Variants in JARID2 observed in about 807,000 individuals in gnomAD.
The protein encoded by JARID2 is protein Jumonji.
JARID2 carries 21 observed loss-of-function variants against 125.6 expected under a neutral mutation model. That is an observed-to-expected ratio of 0.17 (90% CI 0.12 to 0.24). The LOEUF (loss-of-function observed/expected upper bound fraction) is 0.24. JARID2 is among the 10% of genes least tolerant of loss of function. The probability of loss-of-function intolerance (pLI) is 1.00; values close to 1 mark genes in which losing one functional copy is unlikely to be tolerated. For missense variants in JARID2, 1,303 were observed against 1,639.6 expected (o/e 0.79, Z 3.55); for synonymous variants, 736 against 661.6 (o/e 1.11, Z -1.73).
chr6:15,446,949 G>C (rs1767696582), intron 3 of JARID2, among the ~76,000 whole-genome samples: 1 of 152,042 alleles, frequency 6.6e-6, no homozygotes, highest in Admixed American at 6.6e-5. Context: ...TGTGACCCAG[G>C]GTGGGTCTCA....
intron 3 of JARID2, among the ~76,000 whole-genome samples, chr6:15,420,101 C>T (rs1451338841): frequency 6.6e-6 from 1 of 152,054 alleles, no homozygotes; most frequent in African/African-American, 2.4e-5. Flanking sequence ...TATCTTTTAT[C>T]TCAGACATTG....
chr6:15,315,147 G>A (rs765996665), intron 1 of JARID2: 2 of 152,146 alleles, frequency 1.3e-5, no homozygotes, highest in Non-Finnish European at 2.9e-5. Flanking sequence ...TAAATAATAC[G>A]TATATTAATG....
At chr6:15,404,815 T>C (rs1381324835) in intron 2 of JARID2, among the ~76,000 whole-genome samples, 3 of 152,220 alleles carry the variant, frequency 2.0e-5, no homozygotes, top group African/African-American at 7.2e-5. Context: ...TCCTTGTTTT[T>C]CCTTTCTTTT....
chr6:15,268,101 C>T (rs1760158592), intron 1 of JARID2, among the ~76,000 whole-genome samples: 1 of 152,166 alleles, frequency 6.6e-6, no homozygotes, highest in African/African-American at 2.4e-5. Flanking sequence ...CTCTTTCCTT[C>T]TCTGAAAAGA....
At chr6:15,311,919 G>A (rs1762027908) in intron 1 of JARID2, among the ~76,000 whole-genome samples, 1 of 152,036 alleles carries the variant, frequency 6.6e-6, no homozygotes, top group Admixed American at 6.5e-5. Flanking sequence ...CCAGAGGTGT[G>A]GCTTTTGGCA....
intron 1 of JARID2, chr6:15,368,728 C>T (rs1336132014): frequency 2.0e-6 from 1 of 495,342 alleles, no homozygotes; most frequent in South Asian, 1.5e-5. Context: ...GAAGATTTCT[C>T]AGGGTATATT....
chr6:15,474,102 G>A (rs142380982), intron 5 of JARID2, among the ~76,000 whole-genome samples: 12 of 152,312 alleles, frequency 7.9e-5, no homozygotes, highest in East Asian at 1.9e-4. Context: ...ACAAACTGAC[G>A]TCAGTTTATT....
intron 7 of JARID2, among the ~76,000 whole-genome samples, chr6:15,499,707 C>T (rs185298935): frequency 6.6e-6 from 1 of 152,202 alleles, no homozygotes; most frequent in East Asian, 1.9e-4. Flanking sequence ...TTCTTAGGTC[C>T]CTCCTGTCGA....
At chr6:15,351,189 A>G (rs1191044452) in intron 1 of JARID2, among the ~76,000 whole-genome samples, 1 of 152,170 alleles carries the variant, frequency 6.6e-6, no homozygotes, top group East Asian at 1.9e-4. Context: ...CAGGGAGCCT[A>G]TAGATTAGTA....
At chr6:15,473,431 C>T (rs1769174147) in intron 5 of JARID2, among the ~76,000 whole-genome samples, 1 of 141,244 alleles carries the variant, frequency 7.1e-6, no homozygotes, top group African/African-American at 2.6e-5. Flanking sequence ...AAACAGGTTT[C>T]AGTGTCTCAT....
intron 2 of JARID2, among the ~76,000 whole-genome samples, chr6:15,409,210 T>G (rs901192168): frequency 2.6e-5 from 4 of 152,066 alleles, no homozygotes; most frequent in Non-Finnish European, 5.9e-5. Flanking sequence ...TCACAAAGAC[T>G]TAATACAGAG....
In JARID2 at chr6:15,279,715, T is replaced by C. The variant is rs150698106; in HGVS notation, c.45+33131T>C. ...TCAGAGTTGATGAGGCACTACCCTC[T>C]AATCTCCCTACTGTTGTCATAGTTT... On this transcript the variant is annotated intron_variant, in intron 1 of 17. Transcript: ENST00000341776. Among the ~76,000 whole-genome samples, 682 of 152,326 alleles carry C rather than the reference T, an allele frequency of 4.5e-3. 6 individuals are homozygous for C. The highest frequency in any genetic ancestry group is 0.016 in the African/African-American group (654 of 41,576).
chr6:15,429,677 C>T (rs1427543991), intron 3 of JARID2, among the ~76,000 whole-genome samples: 1 of 152,090 alleles, frequency 6.6e-6, no homozygotes, highest in Admixed American at 6.5e-5. Context: ...TGTATGCACA[C>T]GTGTGTGTGT....
At chr6:15,290,931 T>G (rs1308721814) in intron 1 of JARID2, among the ~76,000 whole-genome samples, 2 of 152,072 alleles carry the variant, frequency 1.3e-5, no homozygotes, top group African/African-American at 4.8e-5. Flanking sequence ...AGTTTTTGGA[T>G]GTTTAAAAAT....
chr6:15,418,103 G>C (rs748639644), intron 3 of JARID2, among the ~76,000 whole-genome samples: 1 of 152,156 alleles, frequency 6.6e-6, no homozygotes, highest in African/African-American at 2.4e-5. Flanking sequence ...GGCAAGAGTG[G>C]TGGGGTGAGG....
chr6:15,291,752 A>C (rs773653709), intron 1 of JARID2, among the ~76,000 whole-genome samples: 4 of 152,188 alleles, frequency 2.6e-5, no homozygotes, highest in South Asian at 2.1e-4. Context: ...AAAGAAGTTA[A>C]TCCCTTGTTC....
At chr6:15,342,878 T>A (rs3857641) in intron 1 of JARID2, among the ~76,000 whole-genome samples, 3,424 of 152,266 alleles carry the variant, frequency 0.022, 130 homozygotes, top group African/African-American at 0.077. Flanking sequence ...GGTGCTTTGA[T>A]TGAAGACGCC....
At chr6:15,490,955 G>C (rs1241858489) in intron 6 of JARID2, among the ~76,000 whole-genome samples, 1 of 152,146 alleles carries the variant, frequency 6.6e-6, no homozygotes, top group East Asian at 1.9e-4. Context: ...TGATCAACTG[G>C]CTAATCCCAC....
Position 15,300,971 on chromosome 6 carries a change from A to C in JARID2, c.45+54387A>C, listed in dbSNP as rs77943428. On this transcript the variant is annotated intron_variant, in intron 1 of 17. Transcript: ENST00000341776. The stretch of plus-strand genomic sequence containing the variant: ...CAATGAGTGACTGTTGGTAGACAGC[A>C]AGCAAATGATACTGGGGTAAGAAGG... Among the ~76,000 whole-genome samples, 735 of 152,274 alleles carry C rather than the reference A, an allele frequency of 4.8e-3. 6 individuals carry two copies. The highest frequency in any genetic ancestry group is 8.4e-3 in the Non-Finnish European group (569 of 68,022).
Sources: allele counts gnomAD v4.1 joint callset (sites outside exome capture counted in the v4.1 genomes callset), GRCh38; gene constraint gnomAD v4.1.1; transcripts MANE v1.5; gene names NCBI Gene and HGNC (gene_info 2026-07-23, HGNC 2026-07-21).